Variants in TSC22D2 observed in about 807,000 individuals in gnomAD.
TSC22D2 encodes TSC22 domain family member 2.
A neutral mutation model predicts 50.1 loss-of-function variants in TSC22D2; 5 were observed. The observed-to-expected ratio is 0.10, with a 90% CI of 0.05 to 0.21. The LOEUF (loss-of-function observed/expected upper bound fraction) is 0.21. Among genes scored for constraint, TSC22D2 ranks in the 10% least tolerant of loss-of-function variants. The pLI, the probability that TSC22D2 is intolerant of heterozygous loss-of-function variation, is 1.00. For synonymous variants in TSC22D2, 501 were observed against 450.1 expected (o/e 1.11, Z -1.43); for missense variants, 1,003 against 1,015.5 (o/e 0.99, Z 0.17).
Position 150,410,295 on chromosome 3 carries a change from G to C in TSC22D2, c.945G>C (p.Gln315His), listed in dbSNP as rs766254558. 4.5e-6 allele frequency: 7 copies of C among 1,565,178 alleles called. No individual in the cohort carries two copies. The African/African-American group carries it at 9.5e-5, about 21-fold the overall frequency. Residue 315 changes from glutamine to histidine, a missense_variant, in exon 1 of 3, where the codon CAG becomes CAC. Gln to His is a conservative substitution (Grantham distance 24). This residue lies in a region of TSC22D2 where 696 missense variants were observed against 647.8 expected (regional missense o/e 1.07). Coordinates refer to ENST00000688009, the MANE Select transcript of TSC22D2 (RefSeq NM_001303264.2). ...CAGCCGCGCAGCCCAGCCAGCCCCA[G>C]GGAGCGGGGCCCGGGGGACAGACTC... is the stretch of plus-strand genomic sequence containing the variant. ...MMAAAQPSQP[Q>H]GAGPGGQTLP... is the part of the protein sequence containing the mutation.
In TSC22D2 at chr3:150,408,676, C is replaced by T. The variant is rs1257959930; in HGVS notation, c.-675C>T. 1 of 152,852 alleles carries T rather than the reference C, an allele frequency of 6.5e-6. No homozygotes were observed. The highest frequency in any genetic ancestry group is 2.4e-5 in the African/African-American group (1 of 41,476). The allele number at this position is 152,852 out of a possible 1,614,324, so 9.5% of individuals were successfully genotyped here. On this transcript the variant is annotated 5_prime_UTR_variant, in exon 1 of 3. Coordinates refer to ENST00000688009, the MANE Select transcript of TSC22D2 (RefSeq NM_001303264.2). ...TCCGCCTGAGGCAGTCGACATGTCCCTGGGGCTGAGCTCCGGCTAGAGCCG... is the reference window on the plus strand; with the variant it reads ...TCCGCCTGAGGCAGTCGACATGTCCTTGGGGCTGAGCTCCGGCTAGAGCCG...
intron 1 of TSC22D2, among the ~76,000 whole-genome samples, chr3:150,411,517 T>G (rs775575783): frequency 2.0e-5 from 3 of 152,304 alleles, no homozygotes; most frequent in Non-Finnish European, 2.9e-5. Context: ...TTAAAAGCAC[T>G]AAAATGGGTA....
At chr3:150,429,082 G>C (rs1720292712) in intron 1 of TSC22D2, among the ~76,000 whole-genome samples, 1 of 152,160 alleles carries the variant, frequency 6.6e-6, no homozygotes, top group Admixed American at 6.5e-5. Flanking sequence ...AAACCTTAAA[G>C]AGCTGTGTAT....
At chr3:150,434,866 ATATT>A (rs34712528) in intron 1 of TSC22D2, among the ~76,000 whole-genome samples, 59,204 of 151,650 alleles carry the variant, frequency 0.39, 11,751 homozygotes, top group Middle Eastern at 0.54. Flanking sequence ...ATACATATAT[ATATT>A]TAGTTTCTGG....
chr3:150,435,669 A>G (rs1576550432), intron 1 of TSC22D2, among the ~76,000 whole-genome samples: 1 of 152,244 alleles, frequency 6.6e-6, no homozygotes, highest in African/African-American at 2.4e-5. Context: ...AACTAAGATA[A>G]GCACATTCAT....
intron 1 of TSC22D2, among the ~76,000 whole-genome samples, chr3:150,419,186 C>T (rs1437555991): frequency 6.6e-6 from 1 of 152,014 alleles, no homozygotes; most frequent in Non-Finnish European, 1.5e-5. Context: ...TCTTCCCTTC[C>T]CCCTTTCTTA....
rs1719475545 is a variant in TSC22D2, at chr3:150,410,252, G to T, written c.902G>T (p.Gly301Val). 6.4e-7 allele frequency: 1 copy of T among 1,559,008 alleles called. No individual in the cohort carries two copies. Among genetic ancestry groups the T allele is most frequent in the Non-Finnish European group, 8.7e-7 (1 of 1,152,710 alleles). The change falls in exon 1 of 3, where the codon GGG becomes GTG. Residue 301 changes from glycine (G) to valine (V), a missense_variant. Coordinates refer to ENST00000688009, the MANE Select transcript of TSC22D2 (RefSeq NM_001303264.2). The stretch of plus-strand genomic sequence containing the variant: ...CCGCCGTTCCCGGGAGCCGCGACCG[G>T]GCCGCAGCCAATGATGGCAGCCGCG... ...PLPPFPGAAT[G>V]PQPMMAAAQP... is the part of the protein sequence containing the mutation.
chr3:150,445,334 TAATA>T (rs933475914), intron 1 of TSC22D2, among the ~76,000 whole-genome samples: 1 of 147,920 alleles, frequency 6.8e-6, no homozygotes, highest in African/African-American at 2.5e-5. Flanking sequence ...ATAATAATAA[TAATA>T]ATAATAATAA....
intron 1 of TSC22D2, among the ~76,000 whole-genome samples, chr3:150,429,012 C>T (rs1468448849): frequency 3.3e-5 from 5 of 152,112 alleles, no homozygotes; most frequent in African/African-American, 1.2e-4. Context: ...AATGGAAGTA[C>T]AAGCATTGGA....
chr3:150,439,626 A>C (rs554419079), intron 1 of TSC22D2, among the ~76,000 whole-genome samples: 3 of 152,104 alleles, frequency 2.0e-5, no homozygotes, highest in African/African-American at 7.2e-5. Flanking sequence ...TTTGGGTAGA[A>C]TTTTTTTATG....
chr3:150,447,931 A>G (rs1720934576), intron 1 of TSC22D2, among the ~76,000 whole-genome samples: 1 of 152,104 alleles, frequency 6.6e-6, no homozygotes, highest in African/African-American at 2.4e-5. Context: ...ATCCCTTGGT[A>G]TGTATTATTC....
At chr3:150,433,932 G>A (rs1208226163) in intron 1 of TSC22D2, among the ~76,000 whole-genome samples, 8 of 152,018 alleles carry the variant, frequency 5.3e-5, no homozygotes, top group Admixed American at 4.6e-4. Flanking sequence ...AAAATTAGCC[G>A]GGTGTGATGG....
intron 1 of TSC22D2, among the ~76,000 whole-genome samples, chr3:150,447,624 T>C (rs1720927516): frequency 6.6e-6 from 1 of 151,916 alleles, no homozygotes; most frequent in Non-Finnish European, 1.5e-5. Flanking sequence ...TCTAGCCACC[T>C]TTCTGTGATA....
At chr3:150,418,022 C>T (rs1400663382) in intron 1 of TSC22D2, among the ~76,000 whole-genome samples, 1 of 152,048 alleles carries the variant, frequency 6.6e-6, no homozygotes, top group African/African-American at 2.4e-5. Context: ...TGAGACCATA[C>T]ATTCAAGTGT....
At position 150,461,053 on chromosome 3, in the gene TSC22D2, T is replaced by TC. The variant is rs1311994216; in HGVS notation, c.*2419dup. On this transcript the variant is annotated 3_prime_UTR_variant, in exon 3 of 3. Coordinates refer to ENST00000688009, the MANE Select transcript of TSC22D2 (RefSeq NM_001303264.2). ...TGTTTTTGGCGAATTGTAATAAGTG[T>TC]CCTAAGTAGCAGGACTTAACATAGA... 1 of 152,122 alleles carries TC rather than the reference T, an allele frequency of 6.6e-6. No individual in the cohort carries two copies. Among genetic ancestry groups the TC allele is most frequent in the Non-Finnish European group, 1.5e-5 (1 of 68,022 alleles). 9.4% of individuals were successfully genotyped at this position (152,122 alleles called of 1,614,324 possible).
chr3:150,411,259 G>T lies in TSC22D2; in HGVS notation c.1909G>T (p.Ala637Ser). ...PLQLTPMNSL[A>S]TSVFSIAIPV... is the part of the protein sequence containing the mutation. The stretch of plus-strand genomic sequence containing the variant: ...TCAGTTAACACCTATGAACAGTCTG[G>T]CCACCTCTGTATTCAGCATAGCTAT... Residue 637 changes from alanine to serine, a missense_variant, in exon 1 of 3, where the codon GCC (alanine) becomes TCC (serine). Physicochemically the swap from Ala to Ser is moderately conservative, Grantham distance 99. Around this residue, in one of 6 missense-constraint regions of TSC22D2, gnomAD observed 696 missense variants for 647.8 expected, o/e 1.07. Coordinates refer to ENST00000688009, the MANE Select transcript of TSC22D2 (RefSeq NM_001303264.2). 6.2e-7 allele frequency: 1 copy of T among 1,614,164 alleles called. No homozygotes were observed.
chr3:150,430,520 A>C (rs952095270), intron 1 of TSC22D2, among the ~76,000 whole-genome samples: 4 of 152,218 alleles, frequency 2.6e-5, no homozygotes, highest in Non-Finnish European at 5.9e-5. Flanking sequence ...TACTGTTAGA[A>C]AGTATTAGTG....
At chr3:150,447,963 A>T (rs893333162) in intron 1 of TSC22D2, among the ~76,000 whole-genome samples, 2 of 152,182 alleles carry the variant, frequency 1.3e-5, no homozygotes, top group African/African-American at 4.8e-5. Context: ...ATGTGCTGTC[A>T]TCAGATTAGG....
In TSC22D2 at chr3:150,408,441, T is replaced by C. The variant is rs1719328644; in HGVS notation, c.-910T>C. The stretch of plus-strand genomic sequence containing the variant: ...TTCAGTTTCTTCGGGGTTTAGGAAT[T>C]GGGCGCACCGAGGAGGAGCCGGAGA... On this transcript the variant is annotated 5_prime_UTR_variant, in exon 1 of 3. Transcript: ENST00000688009. 1 of 152,464 alleles carries C rather than the reference T, an allele frequency of 6.6e-6. No individual in the cohort carries two copies. The highest frequency in any genetic ancestry group is 6.5e-5 in the Admixed American group (1 of 15,284). 9.4% of individuals were successfully genotyped at this position (152,464 alleles called of 1,614,324 possible). A position where few individuals can be genotyped will look rare whatever the true frequency, so the allele number is the denominator to read the frequency against.
Sources: gnomAD v4.1 joint callset for allele counts (sites outside exome capture counted in the v4.1 genomes callset) on GRCh38, gnomAD v4.1.1 for gene constraint, gnomAD v4.1.1 regional missense constraint, MANE v1.5 for transcripts, NCBI Gene and HGNC (gene_info 2026-07-23, HGNC 2026-07-21) for gene names.